Variants in GABRA3 observed in about 807,000 individuals in gnomAD.
GABRA3 encodes the protein gamma-aminobutyric acid receptor subunit alpha-3.
In GABRA3, 10 loss-of-function variants were observed where a neutral mutation model predicts 30.1. The ratio of observed to expected loss-of-function variants is 0.33; its 90% CI spans 0.20 to 0.56. The LOEUF is 0.56. GABRA3 is among the 20% of genes least tolerant of loss of function. The probability of loss-of-function intolerance (pLI) is 0.89; values close to 1 mark genes in which losing one functional copy is unlikely to be tolerated. For synonymous variants in GABRA3, 151 were observed against 146.8 expected, an observed-to-expected ratio of 1.03 and a Z score of -0.21; for missense variants, 233 against 392.0, an observed-to-expected ratio of 0.59 and a Z score of 3.42.
chrX:152,190,851 A>T (rs1937315630), intron 8 of GABRA3, among the ~76,000 whole-genome samples: 1 of 106,063 alleles, frequency 9.4e-6, no homozygotes, highest in African/African-American at 3.4e-5. Flanking sequence ...TAATCTTTTC[A>T]TATTTTAGAT....
chrX:152,241,071 G>A (rs1219107046), intron 5 of GABRA3, among the ~76,000 whole-genome samples: 10 of 109,871 alleles, frequency 9.1e-5, no homozygotes, highest in East Asian at 2.9e-4. Flanking sequence ...GAGAAGAGGC[G>A]CTCTGCGTTT....
intron 1 of GABRA3, among the ~76,000 whole-genome samples, chrX:152,366,379 A>G (rs1388835774): frequency 8.9e-6 from 1 of 111,867 alleles, no homozygotes; most frequent in South Asian, 3.7e-4. Context: ...ACATGAGTCC[A>G]TGAGTAACAA....
intron 4 of GABRA3, among the ~76,000 whole-genome samples, chrX:152,271,258 T>G (rs908882335): frequency 9.0e-6 from 1 of 111,093 alleles, no homozygotes; most frequent in Non-Finnish European, 1.9e-5. Flanking sequence ...CCAATGCACC[T>G]GGCCTCCTAG....
At chrX:152,208,664 G>A (rs1937601870) in intron 6 of GABRA3, among the ~76,000 whole-genome samples, 1 of 111,445 alleles carries the variant, frequency 9.0e-6, no homozygotes, top group African/African-American at 3.3e-5. Context: ...CCCCCCTCCA[G>A]TAATGAGTGA....
At chrX:152,227,357 G>A (rs1162718608) in intron 5 of GABRA3, among the ~76,000 whole-genome samples, 1 of 74,825 alleles carries the variant, frequency 1.3e-5, no homozygotes, top group Non-Finnish European at 2.4e-5. Context: ...ACAGGAAGGG[G>A]AACATCACAC....
chrX:152,440,928 G>C (rs967003091), intron 1 of GABRA3, among the ~76,000 whole-genome samples: 1 of 109,627 alleles, frequency 9.1e-6, no homozygotes, highest in Non-Finnish European at 1.9e-5. Flanking sequence ...CAGGTTGATG[G>C]GTGCAGCAAA....
In GABRA3 at chrX:152,197,747, G is replaced by T. The variant is rs147100996; in HGVS notation, c.817C>A (p.Arg273=). ...TGGATCACAAAGTAGCCAATTTTTC[G>T]CTTGAGATGGAAGTGGGTTGTCATG... ...VVMTTHFHLK[R]KIGYFVIQTY... is the part of the protein sequence containing the mutation. Residue 273 remains arginine, a synonymous_variant, in exon 8 of 10, where the codon CGA becomes AGA. Coordinates refer to ENST00000370314, the MANE Select transcript of GABRA3 (RefSeq NM_000808.4). 47 of 1,208,884 alleles carry T rather than the reference G, an allele frequency of 3.9e-5. No homozygotes were observed. Among genetic ancestry groups the T allele is most frequent in the Non-Finnish European group, 4.5e-5 (40 of 893,286 alleles).
chrX:152,219,131 A>T (rs371073060), intron 6 of GABRA3, among the ~76,000 whole-genome samples: 2 of 111,223 alleles, frequency 1.8e-5, no homozygotes, highest in Non-Finnish European at 3.8e-5. Context: ...TCTAAATGTT[A>T]TCATGTCTAA....
chrX:152,173,822 G>A (rs946916203), intron 9 of GABRA3, among the ~76,000 whole-genome samples: 13 of 109,629 alleles, frequency 1.2e-4, no homozygotes, highest in African/African-American at 4.3e-4. Context: ...TAAGTTTTAG[G>A]GTACATGTGC....
At chrX:152,275,929 C>T (rs1939076354) in intron 4 of GABRA3, among the ~76,000 whole-genome samples, 2 of 109,348 alleles carry the variant, frequency 1.8e-5, no homozygotes, top group South Asian at 7.6e-4. Context: ...CTAACTAAAA[C>T]ATGTATAAAA....
chrX:152,384,804 G>A (rs1929251152), intron 1 of GABRA3, among the ~76,000 whole-genome samples: 2 of 111,785 alleles, frequency 1.8e-5, no homozygotes, highest in Non-Finnish European at 3.8e-5. Context: ...AAGAAAGTGA[G>A]TAAACAACAA....
intron 3 of GABRA3, among the ~76,000 whole-genome samples, chrX:152,295,592 T>C (rs1939514513): frequency 8.9e-6 from 1 of 112,729 alleles, no homozygotes; most frequent in Non-Finnish European, 1.9e-5. Context: ...TTTTTCCAGG[T>C]AGTGTCTTTC....
intron 3 of GABRA3, among the ~76,000 whole-genome samples, chrX:152,323,659 T>A (rs1008810159): frequency 8.9e-6 from 1 of 112,228 alleles, no homozygotes; most frequent in Non-Finnish European, 1.9e-5. Context: ...TTTCTTCACA[T>A]TCTTTGAAGC....
chrX:152,233,992 A>T (rs966715760), intron 5 of GABRA3, among the ~76,000 whole-genome samples: 10 of 99,017 alleles, frequency 1.0e-4, no homozygotes, highest in African/African-American at 3.7e-4. Context: ...TGGGAATTGA[A>T]CAATGGGAAC....
At chrX:152,343,873 A>G (rs1367030617) in intron 3 of GABRA3, among the ~76,000 whole-genome samples, 1 of 112,319 alleles carries the variant, frequency 8.9e-6, no homozygotes. Context: ...GTATCAATTA[A>G]AAGTACTTGT....
At chrX:152,273,750 G>T (rs966085763) in intron 4 of GABRA3, among the ~76,000 whole-genome samples, 5 of 111,579 alleles carry the variant, frequency 4.5e-5, no homozygotes, top group African/African-American at 1.6e-4. Context: ...AGCTAATGAA[G>T]ATAGAGAATA....
chrX:152,287,807 C>T (rs1280614104), intron 3 of GABRA3, among the ~76,000 whole-genome samples: 1 of 109,997 alleles, frequency 9.1e-6, no homozygotes, highest in Non-Finnish European at 1.9e-5. Context: ...CTTTCCTCTC[C>T]TCCTTCATTC....
chrX:152,234,769 T>G (rs772006992), intron 5 of GABRA3, among the ~76,000 whole-genome samples: 1 of 111,811 alleles, frequency 8.9e-6, no homozygotes, highest in East Asian at 2.8e-4. Context: ...TTCTCAAAGA[T>G]CGATTGGCTG....
rs184362068 is a variant in GABRA3 at position 152,407,224 on chromosome X, A to G, written c.-26-42628T>C. ...CAAAGTTAGTAGAAGAAAGGAAATA[A>G]TAAAGAGCAGAGCAGAAATAAATGA... is the stretch of plus-strand genomic sequence containing the variant. On this transcript the variant is annotated intron_variant, in intron 1 of 9. Transcript: ENST00000370314. Among the ~76,000 whole-genome samples, 774 of 111,894 alleles carry G rather than the reference A, an allele frequency of 6.9e-3. 1 individual carries two copies. The highest frequency in any genetic ancestry group is 0.012 in the Non-Finnish European group (613 of 53,110).
Sources: gnomAD v4.1 joint callset for allele counts (sites outside exome capture counted in the v4.1 genomes callset) on GRCh38, gnomAD v4.1.1 for gene constraint, MANE v1.5 for transcripts, NCBI Gene and HGNC (gene_info 2026-07-23, HGNC 2026-07-21) for gene names.